SNAI3: variants seen among roughly 807,000 people sequenced by gnomAD.
SNAI3 encodes zinc finger protein SNAI3.
SNAI3 carries 21 observed loss-of-function variants against 16.4 expected under a neutral mutation model. The ratio of observed to expected loss-of-function variants is 1.28; its 90% confidence interval spans 0.91 to 1.85. SNAI3 has a LOEUF of 1.85. SNAI3 is among the 40% of genes most tolerant of loss of function. SNAI3 has a pLI of 0.00. For synonymous variants in SNAI3, 202 were observed against 166.6 expected, an observed-to-expected ratio of 1.21 and a Z score of -1.64; for missense variants, 457 against 372.8, an observed-to-expected ratio of 1.23 and a Z score of -1.86.
chr16:88,685,477 G>C (rs1003157397), intron 1 of SNAI3: 1 of 152,274 alleles, frequency 6.6e-6, no homozygotes, highest in African/African-American at 2.4e-5. Context: ...CGTGAGTCCC[G>C]ACCACCGCGT....
chr16:88,686,457 C>T lies in SNAI3; in HGVS notation c.-51G>A, dbSNP rs769115367. 25 of 1,589,228 alleles carry T rather than the reference C, an allele frequency of 1.6e-5. No homozygotes were observed. The highest frequency in any genetic ancestry group is 2.0e-5 in the Non-Finnish European group (24 of 1,172,758). On this transcript the variant is annotated 5_prime_UTR_variant, in exon 1 of 3. Transcript: ENST00000332281. ...GGTGGGCTGGGGCGGGAGGGGCGCG[C>T]CTGGGTCCGGACTGCTGCGTCCGCC...
rs2142939836 is a variant in SNAI3 at position 88,678,061 on chromosome 16, A to G, written c.*387T>C. The G allele has an allele frequency of 5.0e-6, 1 of 198,642 alleles. No homozygotes were observed. The highest frequency in any genetic ancestry group is 1.0e-5 in the Non-Finnish European group (1 of 96,840). 12.3% of individuals were successfully genotyped at this position (198,642 alleles called of 1,614,324 possible). A position where few individuals can be genotyped will look rare whatever the true frequency, so the allele number is the denominator to read the frequency against. ...GTCAGAACTGTTCATTTCTGCTGCA[A>G]TGGAACTAGGCAGCCTTGCCAGCCA... On this transcript the variant is annotated 3_prime_UTR_variant, in exon 3 of 3. Coordinates refer to ENST00000332281, the MANE Select transcript of SNAI3 (RefSeq NM_178310.4).
chr16:88,681,034 C>T lies in SNAI3; in HGVS notation c.697+60G>A, dbSNP rs1909144589. 3 of 1,562,590 alleles carry T rather than the reference C, an allele frequency of 1.9e-6. No individual in the cohort carries two copies. Among genetic ancestry groups the T allele is most frequent in the East Asian group, 2.3e-5 (1 of 44,104 alleles). Reference sequence around the variant, plus strand: ...ATCACCCCTCCTCCTTTTCTAACTCCCGCAGCCCACCCTCTTCCCCCAGCC... The same window carrying T: ...ATCACCCCTCCTCCTTTTCTAACTCTCGCAGCCCACCCTCTTCCCCCAGCC... On this transcript the variant is annotated intron_variant, in intron 2 of 2. Coordinates refer to ENST00000332281, the MANE Select transcript of SNAI3 (RefSeq NM_178310.4). The surrounding 1 kb of genome is among the most constrained non-coding windows in gnomAD (Gnocchi z 5.4).
At chr16:88,679,775 A>AAAAG (rs1555545690) in intron 2 of SNAI3, among the ~76,000 whole-genome samples, 4 of 106,568 alleles carry the variant, frequency 3.8e-5, no homozygotes, top group Non-Finnish European at 7.4e-5. Flanking sequence ...AAAAAAAAAA[A>AAAAG]AAAAAAAGAA....
At chr16:88,680,028 C>T (rs1364321918) in intron 2 of SNAI3, among the ~76,000 whole-genome samples, 30 of 150,356 alleles carry the variant, frequency 2.0e-4, no homozygotes, top group Non-Finnish European at 1.5e-5. Context: ...CTGCAGTGAG[C>T]TGCAATCAAA....
At chr16:88,680,924 C>A (rs1425559716) in intron 2 of SNAI3, among the ~76,000 whole-genome samples, 170 bp downstream of exon 2, 1 of 152,176 alleles carries the variant, frequency 6.6e-6, no homozygotes, top group Non-Finnish European at 1.5e-5. Context: ...GGACTTCTGG[C>A]CTCTAGTCTG....
rs552553600 is a variant in SNAI3 at position 88,681,152 on chromosome 16, G to C, written c.639C>G (p.Ile213Met). Residue 213 changes from isoleucine (I) to methionine (M), a missense_variant, in exon 2 of 3, where the codon ATC becomes ATG. Ile to Met is a conservative substitution (Grantham distance 10). Transcript: ENST00000332281. This position sits in a 1 kb window ranked among gnomAD's most constrained non-coding sequence, Gnocchi z 5.4. Reference sequence around the variant, plus strand: ...AGGGCCTGGAGAAGGCCTTGCCACAGATCTTGCAGGTGCAGGGCAGCGTGT... The same window carrying C: ...AGGGCCTGGAGAAGGCCTTGCCACACATCTTGCAGGTGCAGGGCAGCGTGT... ...RTHTLPCTCK[I>M]CGKAFSRPWL... 1.2e-6 allele frequency: 2 copies of C among 1,613,900 alleles called. No homozygotes were observed. Among genetic ancestry groups the C allele is most frequent in the African/African-American group, 2.7e-5 (2 of 75,060 alleles).
At chr16:88,686,301 G>A in intron 1 of SNAI3, 30 bp downstream of exon 1, 2 of 1,607,124 alleles carry the variant, frequency 1.2e-6, no homozygotes, top group Non-Finnish European at 1.7e-6. Context: ...TCGAGTCCCG[G>A]CAGGGGCTCG....
Position 88,681,380 on chromosome 16 carries a change from T to C in SNAI3, c.411A>G (p.Glu137=). 18 of 1,612,580 alleles carry C rather than the reference T, an allele frequency of 1.1e-5. No homozygotes were observed. The highest frequency in any genetic ancestry group is 1.5e-5 in the Non-Finnish European group (18 of 1,179,328). The change falls in exon 2 of 3, where the codon GAA becomes GAG. Residue 137 remains glutamate, a synonymous_variant. Transcript: ENST00000332281. This position sits in a 1 kb window ranked among gnomAD's most constrained non-coding sequence, Gnocchi z 5.4. ...TLGPDRHGAP[E]KLLGAERMPR... ...GCATCCGCTCAGCCCCAAGCAGTTTTTCCGGAGCCCCGTGCCGGTCTGGGC... is the reference window on the plus strand; with the variant it reads ...GCATCCGCTCAGCCCCAAGCAGTTTCTCCGGAGCCCCGTGCCGGTCTGGGC...
chr16:88,678,509 G>A lies in SNAI3; in HGVS notation c.818C>T (p.Thr273Ile), dbSNP rs1374036649. The change falls in exon 3 of 3, where the codon ACC becomes ATC. Residue 273 changes from threonine to isoleucine, a missense_variant. By Grantham distance (89) the Thr-to-Ile change is moderately conservative (BLOSUM62 -1). Coordinates refer to ENST00000332281, the MANE Select transcript of SNAI3 (RefSeq NM_178310.4). ...KKYRCRRCTK[T>I]FSRMSLLARH... ...CGCCAGGAGGGACATGCGGGAGAAG[G>A]TCTTGGTGCAGCGCCGGCACCGGTA... The A allele has an allele frequency of 3.8e-6, 3 of 786,008 alleles. No individual in the cohort carries two copies. The highest frequency in any genetic ancestry group is 2.7e-5 in the South Asian group (2 of 74,728). 48.7% of individuals were successfully genotyped at this position (786,008 alleles called of 1,614,324 possible). A position where few individuals can be genotyped will look rare whatever the true frequency, so the allele number is the denominator to read the frequency against.
chr16:88,679,731 C>T (rs112386182), intron 2 of SNAI3, among the ~76,000 whole-genome samples: 3,445 of 123,514 alleles, frequency 0.028, 57 homozygotes, highest in Non-Finnish European at 0.039. Flanking sequence ...CACTATGGTC[C>T]GGCCTGGGCA....
At position 88,678,571 on chromosome 16, in the gene SNAI3, A is replaced by C. The variant is rs1909055133; in HGVS notation, c.756T>G (p.Leu252=). The part of the protein sequence containing the change: ...CSRAFADRSN[L]RAHLQTHSDA... ...CTGAGTGCGTTTGCAGATGGGCCCGAAGGTTGGAGCGGTCGGCAAAGGCCC... is the reference window on the plus strand; with the variant it reads ...CTGAGTGCGTTTGCAGATGGGCCCGCAGGTTGGAGCGGTCGGCAAAGGCCC... The change falls in exon 3 of 3, where the codon CTT becomes CTG. Residue 252 remains leucine, a synonymous_variant. Coordinates refer to ENST00000332281, the MANE Select transcript of SNAI3 (RefSeq NM_178310.4). 2.2e-6 allele frequency: 2 copies of C among 901,776 alleles called. No individual in the cohort carries two copies. Among genetic ancestry groups the C allele is most frequent in the Non-Finnish European group, 3.8e-6 (2 of 530,858 alleles). 55.9% of individuals were successfully genotyped at this position (901,776 alleles called of 1,614,324 possible).
At chr16:88,679,196 GGGA>G in intron 2 of SNAI3, 1 of 717,610 alleles carries the variant, frequency 1.4e-6, no homozygotes, top group Non-Finnish European at 1.7e-6. Context: ...TCCTGCTGGT[GGGA>G]CACTGGGCAT....
chr16:88,686,388 C>G lies in SNAI3; in HGVS notation c.19G>C (p.Val7Leu), dbSNP rs145634974. Residue 7 changes from valine to leucine, a missense_variant, in exon 1 of 3, where the codon GTG becomes CTG. Val to Leu is a conservative substitution (Grantham distance 32, BLOSUM62 1). Coordinates refer to ENST00000332281, the MANE Select transcript of SNAI3 (RefSeq NM_178310.4). MPRSFL[V>L]KTHSSHRVPN... Reference sequence around the variant, plus strand: ...ACCCTGTGGCTGGAGTGCGTTTTCACCAGGAAGGAGCGCGGCATGTTCCCC... The same window carrying G: ...ACCCTGTGGCTGGAGTGCGTTTTCAGCAGGAAGGAGCGCGGCATGTTCCCC... The G allele has an allele frequency of 6.5e-4, 1,049 of 1,611,510 alleles. No homozygotes were observed. The highest frequency in any genetic ancestry group is 8.4e-4 in the Non-Finnish European group (994 of 1,179,632).
chr16:88,681,078 C>A lies in SNAI3; in HGVS notation c.697+16G>T, dbSNP rs1412467110. On this transcript the variant is annotated intron_variant, in intron 2 of 2. Transcript: ENST00000332281. This position sits in a 1 kb window ranked among gnomAD's most constrained non-coding sequence, Gnocchi z 5.4. Reference sequence around the variant, plus strand: ...CCCAGCCCAGACCGTCCTTGCAGACCTTCACCCTGTCCTACCTGTGTGGGT... The same window carrying A: ...CCCAGCCCAGACCGTCCTTGCAGACATTCACCCTGTCCTACCTGTGTGGGT... The A allele has an allele frequency of 1.9e-6, 3 of 1,599,262 alleles. No individual in the cohort carries two copies. Among genetic ancestry groups the A allele is most frequent in the Non-Finnish European group, 2.6e-6 (3 of 1,168,948 alleles).
chr16:88,680,067 T>C (rs1280940812), intron 2 of SNAI3, among the ~76,000 whole-genome samples: 1 of 134,576 alleles, frequency 7.4e-6, no homozygotes, highest in South Asian at 2.4e-4. Flanking sequence ...AGCAATAGAG[T>C]GAGACCCTGC....
At position 88,681,728 on chromosome 16, in the gene SNAI3, G is replaced by A; in HGVS notation, c.77-14C>T. The A allele has an allele frequency of 1.4e-6, 2 of 1,427,042 alleles. No individual in the cohort carries two copies. Among genetic ancestry groups the A allele is most frequent in the Non-Finnish European group, 1.8e-6 (2 of 1,085,780 alleles). The allele number at this position is 1,427,042 out of a possible 1,614,324, so 88.4% of individuals were successfully genotyped here. On this transcript the variant is annotated splice_polypyrimidine_tract_variant and intron_variant, in intron 1 of 2. Transcript: ENST00000332281. The surrounding 1 kb of genome is among the most constrained non-coding windows in gnomAD (Gnocchi z 5.4). ...CACCATTGATTTCTAGAGGGGTGGAGGGGAGAGAATAGAAAGATGAAGACT... is the reference window on the plus strand; with the variant it reads ...CACCATTGATTTCTAGAGGGGTGGAAGGGAGAGAATAGAAAGATGAAGACT...
Position 88,678,627 on chromosome 16 carries a change from C to G in SNAI3, c.700G>C (p.Glu234Gln). The G allele has an allele frequency of 7.4e-7, 1 of 1,342,484 alleles. No individual in the cohort carries two copies. 83.2% of individuals were successfully genotyped at this position (1,342,484 alleles called of 1,614,324 possible). The change falls in exon 3 of 3, where the codon GAG becomes CAG. Residue 234 changes from glutamate to glutamine, a missense_variant and splice_region_variant. Transcript: ENST00000332281. ...CAGTGCGAGCAGGCATAGGGCTTCTCCCCTGTGGGAGGAAGGCGGCGGCCA... is the reference window on the plus strand; with the variant it reads ...CAGTGCGAGCAGGCATAGGGCTTCTGCCCTGTGGGAGGAAGGCGGCGGCCA... ...LQGHVRTHTG[E>Q]KPYACSHCSR...
intron 2 of SNAI3, among the ~76,000 whole-genome samples, chr16:88,680,085 C>CAAAAAAAAAAA (rs10540733): frequency 8.0e-6 from 1 of 125,114 alleles, no homozygotes; most frequent in Non-Finnish European, 1.7e-5. Flanking sequence ...TGCCTCAGAC[C>CAAAAAAAAAAA]AAAAAAAAAA....
Sources: allele counts gnomAD v4.1 joint callset (sites outside exome capture counted in the v4.1 genomes callset), GRCh38; gene constraint gnomAD v4.1.1; non-coding constraint Gnocchi (gnomAD v3.1); transcripts MANE v1.5; gene names NCBI Gene and HGNC (gene_info 2026-07-23, HGNC 2026-07-21).